The following BNIP2 variants were observed in gnomAD, a reference collection of about 807,000 sequenced individuals.
BNIP2 encodes BCL2/adenovirus E1B 19 kDa protein-interacting protein 2.
In BNIP2, 36 loss-of-function variants were observed where a neutral mutation model predicts 43.4. That is an observed-to-expected ratio of 0.83 (90% confidence interval 0.64 to 1.10). The LOEUF (loss-of-function observed/expected upper bound fraction) is 1.10. Among genes scored for constraint, BNIP2 ranks in the 50% least tolerant of loss-of-function variants. The pLI is 0.00. For missense variants in BNIP2, 417 were observed against 374.1 expected (o/e 1.11, Z -0.95); for synonymous variants, 146 against 121.0 (o/e 1.21, Z -1.35).
chr15:59,679,833 G>T, intron 3 of BNIP2, 65 bp from the exon 4 acceptor site: 2 of 1,332,640 alleles, frequency 1.5e-6, no homozygotes. Context: ...AGTTGAATAA[G>T]AAAAATTTTA....
intron 1 of BNIP2, among the ~76,000 whole-genome samples, chr15:59,685,792 G>C (rs1210339083): frequency 6.6e-6 from 1 of 152,144 alleles, no homozygotes; most frequent in Non-Finnish European, 1.5e-5. Context: ...ACAATTGAGG[G>C]AGTACTGTTT....
intron 5 of BNIP2, chr15:59,676,646 A>G: frequency 1.7e-6 from 1 of 586,676 alleles, no homozygotes; most frequent in Non-Finnish European, 3.0e-6. Flanking sequence ...TAATATCTCT[A>G]GGCAGAGTTT....
intron 7 of BNIP2, 47 bp downstream of exon 7, chr15:59,671,136 C>A: frequency 6.8e-7 from 1 of 1,476,030 alleles, no homozygotes; most frequent in Non-Finnish European, 9.1e-7. Context: ...TTCCTAAAGC[C>A]ATTATAAAAT....
chr15:59,679,917 C>T, intron 3 of BNIP2, 149 bp from the exon 4 acceptor site: 1 of 734,156 alleles, frequency 1.4e-6, no homozygotes, highest in Non-Finnish European at 2.1e-6. Context: ...AATTTTTATT[C>T]TGATCATTAT....
At chr15:59,680,696 C>T (rs1048612686) in intron 2 of BNIP2, among the ~76,000 whole-genome samples, 2 of 152,200 alleles carry the variant, frequency 1.3e-5, no homozygotes, top group African/African-American at 4.8e-5. Context: ...CCACTGTGCC[C>T]AGCCTAGCAG....
chr15:59,677,832 A>C (rs1291947612), intron 5 of BNIP2, 79 bp downstream of exon 5: 2 of 1,494,314 alleles, frequency 1.3e-6, no homozygotes, highest in East Asian at 2.3e-5. Flanking sequence ...ATTTACTCTT[A>C]ATAAACAGAT....
At chr15:59,666,485 G>A (rs1892575559) in intron 9 of BNIP2, among the ~76,000 whole-genome samples, 1 of 152,134 alleles carries the variant, frequency 6.6e-6, no homozygotes, top group South Asian at 2.1e-4. Context: ...TGGCCAACAT[G>A]GTGAAACCCA....
At chr15:59,671,454 A>T in intron 6 of BNIP2, 140 bp from the exon 7 acceptor site, 1 of 603,778 alleles carries the variant, frequency 1.7e-6, no homozygotes, top group Non-Finnish European at 2.6e-6. Flanking sequence ...CGCATTAGCT[A>T]GTATTACGAT....
At chr15:59,689,000 C>T (rs1283815820) in intron 1 of BNIP2, 135 bp downstream of exon 1, 2 of 1,443,070 alleles carry the variant, frequency 1.4e-6, no homozygotes, top group African/African-American at 1.4e-5. Flanking sequence ...TCTATGGCTC[C>T]CCCTACCAAG....
intron 5 of BNIP2, among the ~76,000 whole-genome samples, chr15:59,673,240 G>C (rs1227822276): frequency 1.3e-5 from 2 of 151,432 alleles, no homozygotes; most frequent in African/African-American, 4.9e-5. Context: ...TGCCTCCCGA[G>C]TAGCTGGGAT....
In BNIP2 at chr15:59,678,024, G is replaced by T. The variant is rs776870602; in HGVS notation, c.359C>A (p.Ala120Glu). The T allele has an allele frequency of 7.4e-6, 12 of 1,613,804 alleles. No individual in the cohort carries two copies. Among genetic ancestry groups the T allele is most frequent in the Non-Finnish European group, 9.3e-6 (11 of 1,179,858 alleles). ...TCGTCCATCTTCTTTTTCCTCTGCTGCTGTGTATTCAGTAATTGAGCCTTT... is the reference window on the plus strand; with the variant it reads ...TCGTCCATCTTCTTTTTCCTCTGCTTCTGTGTATTCAGTAATTGAGCCTTT... ...IRKGSITEYT[A>E]AEEKEDGRRW... Residue 120 changes from alanine to glutamate, a missense_variant, in exon 5 of 10, where the codon GCA (alanine) becomes GAA (glutamate). Transcript: ENST00000607373.
chr15:59,663,075 A>T lies in BNIP2; in HGVS notation c.*994T>A, dbSNP rs2141981451. On this transcript the variant is annotated 3_prime_UTR_variant, in exon 10 of 10. Coordinates refer to ENST00000607373, the MANE Select transcript of BNIP2 (RefSeq NM_004330.4). Reference sequence around the variant, plus strand: ...GGTCAAACAACTACCGAGTTCAAATAATTGATATGGAAGTATTTTGGTAAA... The same window carrying T: ...GGTCAAACAACTACCGAGTTCAAATTATTGATATGGAAGTATTTTGGTAAA... 1 of 152,764 alleles carries T rather than the reference A, an allele frequency of 6.5e-6. No homozygotes were observed. Among genetic ancestry groups the T allele is most frequent in the East Asian group, 1.9e-4 (1 of 5,186 alleles). The allele number at this position is 152,764 out of a possible 1,614,324, so 9.5% of individuals were successfully genotyped here.
In BNIP2 at chr15:59,689,152, C is replaced by CCAA. The variant is rs759593793; in HGVS notation, c.-76_-75insTTG. The CCAA allele has an allele frequency of 1.4e-4, 214 of 1,537,506 alleles. No individual in the cohort carries two copies. Among genetic ancestry groups the CCAA allele is most frequent in the Non-Finnish European group, 1.6e-4 (188 of 1,146,384 alleles). On this transcript the variant is annotated 5_prime_UTR_variant, in exon 1 of 10. Coordinates refer to ENST00000607373, the MANE Select transcript of BNIP2 (RefSeq NM_004330.4). ...GCACTCACCCCGGAGGAAGCCTTGG[C>CCAA]CCCCTCGTCCTCTTCGCCCCTCCAG... is the stretch of plus-strand genomic sequence containing the variant.
Position 59,659,244 on chromosome 15 carries a change from T to C in BNIP2, c.*4825A>G, listed in dbSNP as rs1595679034. The C allele has an allele frequency of 6.6e-6, 1 of 152,116 alleles. No individual in the cohort carries two copies. Among genetic ancestry groups the C allele is most frequent in the Middle Eastern group, 3.2e-3 (1 of 316 alleles). The allele number at this position is 152,116 out of a possible 1,614,324, so 9.4% of individuals were successfully genotyped here. A position where few individuals can be genotyped will look rare whatever the true frequency, so the allele number is the denominator to read the frequency against. ...TATATTCCTAACAGGTCAAAGAAAA[T>C]ATTACATCTCCTTAGTAAATCATGA... On this transcript the variant is annotated 3_prime_UTR_variant, in exon 10 of 10. Coordinates refer to ENST00000607373, the MANE Select transcript of BNIP2 (RefSeq NM_004330.4).
intron 1 of BNIP2, among the ~76,000 whole-genome samples, chr15:59,686,889 G>GGGC (rs1894051295): frequency 2.0e-5 from 3 of 152,108 alleles, no homozygotes; most frequent in South Asian, 4.1e-4. Flanking sequence ...TGGTGGCACT[G>GGGC]GCCTGTAATC....
At chr15:59,668,857 A>T (rs1023284241) in intron 9 of BNIP2, 35 bp downstream of exon 9, 9 of 1,528,344 alleles carry the variant, frequency 5.9e-6, no homozygotes, top group Non-Finnish European at 8.1e-6. Flanking sequence ...AAATGTTAAG[A>T]TCCAATACAA....
At position 59,671,292 on chromosome 15, in the gene BNIP2, G is replaced by T. The variant is rs146161822; in HGVS notation, c.598C>A (p.Leu200Ile). ...LFKYVIGTLE[L>I]LVAENYMIVY... Reference sequence around the variant, plus strand: ...ATCATGTAGTTTTCTGCTACTAATAGCTCCAAAGTGCCAATAACATATCTG... The same window carrying T: ...ATCATGTAGTTTTCTGCTACTAATATCTCCAAAGTGCCAATAACATATCTG... The change falls in exon 7 of 10, where the codon CTA becomes ATA. Residue 200 changes from leucine to isoleucine, a missense_variant. Leu to Ile is a conservative substitution (Grantham distance 5). Transcript: ENST00000607373. 1 of 1,590,216 alleles carries T rather than the reference G, an allele frequency of 6.3e-7. No homozygotes were observed. The highest frequency in any genetic ancestry group is 1.1e-5 in the South Asian group (1 of 87,962).
At chr15:59,675,534 G>A (rs1191603056) in intron 5 of BNIP2, among the ~76,000 whole-genome samples, 1 of 151,378 alleles carries the variant, frequency 6.6e-6, no homozygotes, top group Non-Finnish European at 1.5e-5. Context: ...CCCTTGAACC[G>A]AGGAGGCAGA....
At chr15:59,678,432 C>T in intron 4 of BNIP2, 3 of 1,075,138 alleles carry the variant, frequency 2.8e-6, no homozygotes, top group East Asian at 8.5e-5. Flanking sequence ...TGACAATATT[C>T]TCCCTGGCAG....
Sources: gnomAD v4.1 joint callset for allele counts (sites outside exome capture counted in the v4.1 genomes callset) on GRCh38, gnomAD v4.1.1 for gene constraint, MANE v1.5 for transcripts, NCBI Gene and HGNC (gene_info 2026-07-23, HGNC 2026-07-21) for gene names.